ZC3H3: variants seen among roughly 807,000 people sequenced by gnomAD.
ZC3H3 encodes the protein zinc finger CCCH-type containing 3.
ZC3H3 carries 36 observed loss-of-function variants against 77.3 expected under a neutral mutation model. The ratio of observed to expected loss-of-function variants is 0.47; its 90% CI spans 0.36 to 0.61. The LOEUF (loss-of-function observed/expected upper bound fraction) is 0.61. Ranked by LOEUF, ZC3H3 falls within the 20% of genes least tolerant of loss-of-function variation. The pLI is 0.00. For synonymous variants in ZC3H3, 626 were observed against 555.2 expected (o/e 1.13, Z -1.79); for missense variants, 1,331 against 1,312.2 (o/e 1.01, Z -0.22).
At chr8:143,447,313 C>T (rs1210565673) in intron 9 of ZC3H3, among the ~76,000 whole-genome samples, 2 of 152,230 alleles carry the variant, frequency 1.3e-5, no homozygotes, top group Non-Finnish European at 2.9e-5. Flanking sequence ...CAAAGCTGCC[C>T]CCTCTACCAC....
chr8:143,439,324 C>T (rs1333656681), intron 11 of ZC3H3, among the ~76,000 whole-genome samples: 1 of 152,152 alleles, frequency 6.6e-6, no homozygotes, highest in Non-Finnish European at 1.5e-5. Context: ...AAGGCTGCAG[C>T]AAGCATCTTC....
intron 5 of ZC3H3, among the ~76,000 whole-genome samples, chr8:143,471,767 C>G (rs1010067065): frequency 6.6e-6 from 1 of 152,204 alleles, no homozygotes; most frequent in Admixed American, 6.5e-5. Flanking sequence ...CCCACCCCTT[C>G]CAAGAAGGCT....
Position 143,494,173 on chromosome 8 carries a change from C to T in ZC3H3, c.1715+13573G>A, listed in dbSNP as rs1013192685. On this transcript the variant is annotated intron_variant, in intron 4 of 11. Transcript: ENST00000262577. This position sits in a 1 kb window ranked among gnomAD's most constrained non-coding sequence, Gnocchi z 5.3. ...GCCCCAAGACCCCACAGGCTGACCA[C>T]GCCTGGTGCCCACCCACACCCCACA... Among the ~76,000 whole-genome samples the T allele has an allele frequency of 6.6e-6, 1 of 152,234 alleles. No individual in the cohort carries two copies. Among genetic ancestry groups the T allele is most frequent in the East Asian group, 1.9e-4 (1 of 5,200 alleles).
At chr8:143,491,458 G>A (rs1411880793) in intron 4 of ZC3H3, among the ~76,000 whole-genome samples, 4 of 152,248 alleles carry the variant, frequency 2.6e-5, no homozygotes, top group Non-Finnish European at 4.4e-5. Context: ...ATTCACAGCC[G>A]GGCCTGGGCG....
In ZC3H3 at chr8:143,437,965, C is replaced by T. The variant is rs995170387; in HGVS notation, c.*91G>A. ...CCCCCAGGTGAGGCTTGGTGGCGGG[C>T]GGCCCTCCTGTGGGGTAGAGTGGTG... On this transcript the variant is annotated 3_prime_UTR_variant, in exon 12 of 12. Coordinates refer to ENST00000262577, the MANE Select transcript of ZC3H3 (RefSeq NM_015117.3). The T allele has an allele frequency of 8.7e-5, 133 of 1,525,928 alleles. 1 individual carries two copies. The highest frequency in any genetic ancestry group is 1.9e-4 in the East Asian group (8 of 41,376). 94.5% of individuals were successfully genotyped at this position (1,525,928 alleles called of 1,614,324 possible).
intron 1 of ZC3H3, among the ~76,000 whole-genome samples, chr8:143,540,302 C>CG (rs1240297435): frequency 2.2e-4 from 24 of 111,444 alleles, no homozygotes; most frequent in African/African-American, 7.7e-4. Flanking sequence ...GGCCCAATCA[C>CG]GGCTCACTGC....
At chr8:143,511,787 T>C (rs1821877273) in intron 3 of ZC3H3, among the ~76,000 whole-genome samples, 1 of 152,218 alleles carries the variant, frequency 6.6e-6, no homozygotes, top group Admixed American at 6.5e-5. Flanking sequence ...GAGTGGGCCC[T>C]GGTGCAGACG....
At chr8:143,522,447 AT>A (rs763701078) in intron 3 of ZC3H3, among the ~76,000 whole-genome samples, 132 of 152,166 alleles carry the variant, frequency 8.7e-4, no homozygotes, top group Non-Finnish European at 1.5e-3. Flanking sequence ...TACCAAAAAC[AT>A]AAAAATTAGC....
chr8:143,473,983 G>A (rs1326270000), intron 5 of ZC3H3, among the ~76,000 whole-genome samples: 1 of 152,116 alleles, frequency 6.6e-6, no homozygotes, highest in Non-Finnish European at 1.5e-5. Context: ...CAGAGTCCGA[G>A]GATCAGAGGT....
chr8:143,445,479 G>A (rs1352207369), intron 9 of ZC3H3, among the ~76,000 whole-genome samples: 1 of 151,690 alleles, frequency 6.6e-6, no homozygotes, highest in Admixed American at 6.6e-5. Context: ...GAGACCAGGA[G>A]TTCGAAATCA....
chr8:143,484,200 G>C (rs1563853775), intron 4 of ZC3H3, among the ~76,000 whole-genome samples: 1 of 152,330 alleles, frequency 6.6e-6, no homozygotes, highest in East Asian at 1.9e-4. Context: ...TGGAGGCTCT[G>C]TTGTGACATC....
chr8:143,468,405 G>A lies in ZC3H3; in HGVS notation c.2082C>T (p.Pro694=), dbSNP rs779561108. Residue 694 remains proline (P), a synonymous_variant, in exon 7 of 12, where the codon CCC becomes CCT. Coordinates refer to ENST00000262577, the MANE Select transcript of ZC3H3 (RefSeq NM_015117.3). ...RGERCPYIHD[P]EKVAVCTRFV... is the part of the protein sequence containing the mutation. ...ACCTGGTGCACACGGCCACCTTCTC[G>A]GGATCGTGGATGTAGGGGCAGCGCT... The A allele has an allele frequency of 2.4e-5, 38 of 1,612,504 alleles. 1 individual carries two copies. In the African/African-American group the frequency reaches 2.8e-4, roughly 12 times the overall value.
chr8:143,453,343 T>G (rs1820035814), intron 9 of ZC3H3, among the ~76,000 whole-genome samples: 1 of 152,022 alleles, frequency 6.6e-6, no homozygotes, highest in South Asian at 2.1e-4. Context: ...CCCACCTGGT[T>G]CTCCCAAAAT....
chr8:143,541,234 T>G, intron 1 of ZC3H3, 142 bp downstream of exon 1: 1 of 1,479,168 alleles, frequency 6.8e-7, no homozygotes, highest in South Asian at 1.3e-5. Flanking sequence ...CCACAAGTCC[T>G]GGCGGACCCT....
At chr8:143,470,047 C>T (rs1006714747) in intron 5 of ZC3H3, among the ~76,000 whole-genome samples, 1 of 152,240 alleles carries the variant, frequency 6.6e-6, no homozygotes, top group African/African-American at 2.4e-5. Context: ...CTCGTCCTCA[C>T]TCTCCCAGAT....
At chr8:143,444,002 T>A (rs550637080) in intron 9 of ZC3H3, among the ~76,000 whole-genome samples, 2 of 148,402 alleles carry the variant, frequency 1.3e-5, no homozygotes, top group African/African-American at 5.0e-5. Context: ...TGAGACAGAG[T>A]CTTGCTCTGT....
chr8:143,464,714 C>T (rs775451204), intron 9 of ZC3H3, among the ~76,000 whole-genome samples: 6 of 152,148 alleles, frequency 3.9e-5, no homozygotes, highest in Non-Finnish European at 7.4e-5. Flanking sequence ...CCTGAGGCAG[C>T]GCCAACACAA....
intron 9 of ZC3H3, among the ~76,000 whole-genome samples, chr8:143,453,787 G>A (rs1212654406): frequency 6.6e-6 from 1 of 152,176 alleles, no homozygotes; most frequent in Non-Finnish European, 1.5e-5. Flanking sequence ...TGTCTGTTGT[G>A]GTTCTAACTT....
At chr8:143,506,112 A>C (rs1045472282) in intron 4 of ZC3H3, among the ~76,000 whole-genome samples, 2 of 152,348 alleles carry the variant, frequency 1.3e-5, no homozygotes, top group Middle Eastern at 3.4e-3. Flanking sequence ...CTGTGCAACA[A>C]CACCATCAGG....
Sources: allele counts gnomAD v4.1 joint callset (sites outside exome capture counted in the v4.1 genomes callset), GRCh38; gene constraint gnomAD v4.1.1; non-coding constraint Gnocchi (gnomAD v3.1); transcripts MANE v1.5; gene names NCBI Gene and HGNC (gene_info 2026-07-23, HGNC 2026-07-21).